Variants in TTC23L observed in about 807,000 individuals in gnomAD.
TTC23L encodes tetratricopeptide repeat protein 23-like.
A neutral mutation model predicts 48.1 loss-of-function variants in TTC23L; 42 were observed. That is an observed-to-expected ratio of 0.87 (90% CI 0.68 to 1.13). The LOEUF is 1.13. Ranked by LOEUF, TTC23L falls within the 50% of genes most tolerant of loss-of-function variation. The pLI is 0.00. For synonymous variants in TTC23L, 159 were observed against 157.2 expected (o/e 1.01, Z -0.09); for missense variants, 391 against 421.0 (o/e 0.93, Z 0.62).
chr5:34,915,294 G>C, the TTC23L span: 1 of 275,332 alleles, frequency 3.6e-6, no homozygotes, highest in Non-Finnish European at 6.9e-6. Context: ...AACAGGCGAT[G>C]GCGGGGCGGG....
intron 8 of TTC23L, among the ~76,000 whole-genome samples, chr5:34,875,760 C>G (rs115742755): frequency 1.2e-3 from 179 of 152,248 alleles, no homozygotes; most frequent in African/African-American, 4.2e-3. Context: ...AGGACATAAT[C>G]AAATTCAACA....
chr5:34,880,951 CTTG>C (rs1762187563), intron 9 of TTC23L, among the ~76,000 whole-genome samples: 1 of 151,924 alleles, frequency 6.6e-6, no homozygotes, highest in East Asian at 1.9e-4. Flanking sequence ...CATTGCCTTT[CTTG>C]TTTGAAATTT....
intron 9 of TTC23L, among the ~76,000 whole-genome samples, chr5:34,884,529 C>T (rs1383977011): frequency 2.0e-5 from 3 of 151,884 alleles, no homozygotes; most frequent in African/African-American, 7.3e-5. Context: ...CACATACACA[C>T]ACACACACAC....
intron 9 of TTC23L, among the ~76,000 whole-genome samples, chr5:34,892,904 T>G (rs1762962577): frequency 1.3e-5 from 2 of 152,088 alleles, no homozygotes; most frequent in African/African-American, 4.8e-5. Context: ...GCTAAGGCAT[T>G]TGGGATTTAT....
chr5:34,858,078 T>C (rs535886103), intron 4 of TTC23L, among the ~76,000 whole-genome samples: 2 of 152,320 alleles, frequency 1.3e-5, no homozygotes, highest in East Asian at 1.9e-4. Flanking sequence ...TGGACAATCT[T>C]TGGACTCATT....
chr5:34,915,734 G>A, the TTC23L span: 1 of 1,597,568 alleles, frequency 6.3e-7, no homozygotes, highest in Non-Finnish European at 8.5e-7. Context: ...GGGCGGCGAG[G>A]CAAGATGGCG....
At chr5:34,905,010 C>G in the TTC23L span, among the ~76,000 whole-genome samples, 2 of 152,222 alleles carry the variant, frequency 1.3e-5, no homozygotes, top group Admixed American at 1.3e-4. Flanking sequence ...CACATTTACT[C>G]TGCTGATTAT....
At chr5:34,906,106 C>G in the TTC23L span, 1 of 151,960 alleles carries the variant, frequency 6.6e-6, no homozygotes, top group Non-Finnish European at 1.5e-5. Context: ...AGACACCCAC[C>G]ACCACACCCA....
the TTC23L span, chr5:34,908,171 C>CT: frequency 0.23 from 29,426 of 127,114 alleles, 3,951 homozygotes; most frequent in South Asian, 0.36. Context: ...AGCCTTTAGA[C>CT]TTTTTTTTTT....
At chr5:34,915,861 A>G in the TTC23L span, 4 of 1,564,236 alleles carry the variant, frequency 2.6e-6, no homozygotes, top group South Asian at 4.7e-5. Context: ...AGGTGGAGGA[A>G]GAAGAGAGGG....
chr5:34,855,810 A>G (rs571039546), intron 4 of TTC23L, among the ~76,000 whole-genome samples: 3 of 152,332 alleles, frequency 2.0e-5, no homozygotes, highest in African/African-American at 7.2e-5. Context: ...GTAAGAAATG[A>G]GAATGTAGGC....
intron 9 of TTC23L, among the ~76,000 whole-genome samples, chr5:34,892,150 G>T (rs1762907933): frequency 1.3e-5 from 2 of 152,212 alleles, no homozygotes; most frequent in African/African-American, 4.8e-5. Context: ...TCTTGCTGGA[G>T]TAATCAATCC....
intron 3 of TTC23L, 86 bp from the exon 4 acceptor site, chr5:34,850,099 A>G: frequency 1.4e-6 from 2 of 1,455,892 alleles, no homozygotes; most frequent in Non-Finnish European, 1.9e-6. Context: ...TGACAGGTGA[A>G]TTCAGTCCTG....
chr5:34,919,553 C>T, the TTC23L span, among the ~76,000 whole-genome samples: 180 of 152,130 alleles, frequency 1.2e-3, no homozygotes, highest in African/African-American at 4.2e-3. Context: ...GAGAATTTTC[C>T]CATTTTTGAA....
exon 8 of TTC23L, chr5:34,868,931 C>G (rs1322886051): frequency 6.2e-7 from 1 of 1,610,066 alleles, no homozygotes; most frequent in East Asian, 2.2e-5. Flanking sequence ...TTTCTTTGTT[C>G]ACTGAAGTCA....
the TTC23L span, among the ~76,000 whole-genome samples, chr5:34,917,599 C>T: frequency 3.2e-3 from 489 of 152,226 alleles, 2 homozygotes; most frequent in African/African-American, 0.011. Flanking sequence ...GAGATCGCGC[C>T]ACTGCACTCC....
chr5:34,879,253 A>T (rs957480813), intron 8 of TTC23L, among the ~76,000 whole-genome samples: 1 of 152,126 alleles, frequency 6.6e-6, no homozygotes, highest in African/African-American at 2.4e-5. Context: ...GGTTATGGAT[A>T]CTCTAAAAGC....
At chr5:34,923,222 T>C in the TTC23L span, 5 of 1,610,382 alleles carry the variant, frequency 3.1e-6, no homozygotes, top group Non-Finnish European at 4.2e-6. Flanking sequence ...GGATATGGTT[T>C]CGGAACTTTC....
chr5:34,891,846 G>A (rs551213930), intron 9 of TTC23L, among the ~76,000 whole-genome samples: 1 of 152,274 alleles, frequency 6.6e-6, no homozygotes, highest in African/African-American at 2.4e-5. Context: ...TTCATAGAAG[G>A]AGGAAAAATT....
Sources: allele counts gnomAD v4.1 joint callset (sites outside exome capture counted in the v4.1 genomes callset), GRCh38; gene constraint gnomAD v4.1.1; transcripts MANE v1.5; gene names NCBI Gene and HGNC (gene_info 2026-07-23, HGNC 2026-07-21).